CTNNA2: variants seen among roughly 807,000 people sequenced by gnomAD.
CTNNA2 encodes the protein catenin alpha 2, also known as catenin alpha-2.
In CTNNA2, 42 loss-of-function variants were observed where a neutral mutation model predicts 101.0. The ratio of observed to expected loss-of-function variants is 0.42; its 90% CI spans 0.32 to 0.54. The LOEUF (loss-of-function observed/expected upper bound fraction) is 0.54, where lower values mean the gene tolerates loss of function less well. Among genes scored for constraint, CTNNA2 ranks in the 20% least tolerant of loss-of-function variants. CTNNA2 has a pLI of 0.14. For missense variants in CTNNA2, 871 were observed against 1,223.1 expected (o/e 0.71, Z 4.29); for synonymous variants, 450 against 456.4 (o/e 0.99, Z 0.18).
intron 7 of CTNNA2, among the ~76,000 whole-genome samples, chr2:80,224,781 C>T (rs769344403): frequency 2.7e-4 from 41 of 152,120 alleles, no homozygotes; most frequent in Non-Finnish European, 5.9e-4. Context: ...AGACCTACCT[C>T]TAGTTGCTAA....
intron 7 of CTNNA2, among the ~76,000 whole-genome samples, chr2:80,038,313 TAAAG>T (rs1408241288): frequency 6.6e-6 from 1 of 151,242 alleles, no homozygotes; most frequent in Non-Finnish European, 1.5e-5. Context: ...TTTTTATAAT[TAAAG>T]AAAAAAAAAC....
intron 1 of CTNNA2, among the ~76,000 whole-genome samples, chr2:79,582,782 A>G (rs1676227630): frequency 2.0e-5 from 3 of 152,098 alleles, no homozygotes; most frequent in South Asian, 4.1e-4. Flanking sequence ...AGTAAAATGT[A>G]TTTCTTCTAG....
At chr2:80,565,817 A>C (rs72622686) in intron 12 of CTNNA2, among the ~76,000 whole-genome samples, 4,289 of 152,276 alleles carry the variant, frequency 0.028, 152 homozygotes, top group East Asian at 0.11. Flanking sequence ...TGCATATAAA[A>C]TTTAGTAATA....
intron 3 of CTNNA2, among the ~76,000 whole-genome samples, chr2:79,358,323 C>T (rs1048641716): frequency 2.0e-5 from 3 of 152,084 alleles, no homozygotes; most frequent in African/African-American, 7.2e-5. Flanking sequence ...CCTCAGCCTC[C>T]CAAGTAGCTG....
intron 7 of CTNNA2, among the ~76,000 whole-genome samples, chr2:80,096,588 C>G (rs1700167983): frequency 1.3e-5 from 2 of 152,068 alleles, no homozygotes; most frequent in South Asian, 4.2e-4. Context: ...GTTGATCTGT[C>G]TAATGTTGAC....
In CTNNA2 at chr2:80,303,664, G is replaced by A. The variant is rs761264307; in HGVS notation, c.1057-89547G>A. 1 of 1,611,760 alleles carries A rather than the reference G, an allele frequency of 6.2e-7. No individual in the cohort carries two copies. The highest frequency in any genetic ancestry group is 2.2e-5 in the East Asian group (1 of 44,796). ...GCGCCTCGGTGAGGTTGAGCGCCTC[G>A]CAGTACAGCAGCCGCCCCTCGCACC... On this transcript the variant is annotated intron_variant, in intron 7 of 18. Coordinates refer to ENST00000402739, the MANE Select transcript of CTNNA2 (RefSeq NM_001282597.3). This position sits in a 1 kb window ranked among gnomAD's most constrained non-coding sequence, Gnocchi z 7.7.
chr2:80,388,903 C>A (rs1266540574), intron 7 of CTNNA2, among the ~76,000 whole-genome samples: 1 of 152,170 alleles, frequency 6.6e-6, no homozygotes, highest in African/African-American at 2.4e-5. Context: ...AGTTACTAGA[C>A]AAAATATGTC....
intron 3 of CTNNA2, among the ~76,000 whole-genome samples, chr2:79,841,917 T>C (rs918931083): frequency 6.6e-6 from 1 of 152,222 alleles, no homozygotes; most frequent in Admixed American, 6.5e-5. Context: ...ATATCATTAG[T>C]TGAACATTTA....
intron 9 of CTNNA2, among the ~76,000 whole-genome samples, chr2:80,437,240 C>A (rs1377513637): frequency 6.6e-6 from 1 of 152,154 alleles, no homozygotes; most frequent in Non-Finnish European, 1.5e-5. Flanking sequence ...GCTGCCTGAA[C>A]ACACTAAGAC....
chr2:80,609,641 C>A (rs1015507567), intron 17 of CTNNA2, among the ~76,000 whole-genome samples: 6 of 151,772 alleles, frequency 4.0e-5, no homozygotes, highest in Non-Finnish European at 8.8e-5. Context: ...TTATCTTCAG[C>A]CTTGATGGTA....
chr2:79,697,542 A>C (rs2104736502), intron 2 of CTNNA2, among the ~76,000 whole-genome samples: 1 of 152,178 alleles, frequency 6.6e-6, no homozygotes, highest in East Asian at 1.9e-4. Context: ...TTTGTGATTT[A>C]AGTGTTTGAT....
At chr2:79,451,019 C>T (rs1368622176) in intron 4 of CTNNA2, among the ~76,000 whole-genome samples, 1 of 152,016 alleles carries the variant, frequency 6.6e-6, no homozygotes, top group Non-Finnish European at 1.5e-5. Context: ...AGCCAATTCA[C>T]CTAATGTGTA....
intron 13 of CTNNA2, among the ~76,000 whole-genome samples, chr2:80,578,434 C>A (rs183143144): frequency 1.1e-3 from 170 of 152,220 alleles, no homozygotes; most frequent in African/African-American, 3.7e-3. Context: ...TTTGCAGACC[C>A]TCTGTAATTT....
chr2:79,196,703 C>G (rs1673966137), intron 1 of CTNNA2, among the ~76,000 whole-genome samples: 1 of 152,194 alleles, frequency 6.6e-6, no homozygotes, highest in Non-Finnish European at 1.5e-5. Flanking sequence ...TCAAAATGTT[C>G]TGCTTTATAC....
Position 79,282,911 on chromosome 2 carries a change from C to T in CTNNA2, c.-405-29798C>T, listed in dbSNP as rs1454525323. ...TGTTCCTATTTCTCCACATCCTCTC[C>T]AGCACCTGTTGTTTCCTGACTTTTT... On this transcript the variant is annotated intron_variant, in intron 2 of 21. Coordinates refer to the CTNNA2 transcript ENST00000466387. Among the ~76,000 whole-genome samples the T allele has an allele frequency of 1.7e-4, 16 of 94,968 alleles. 4 individuals carry two copies. The highest frequency in any genetic ancestry group is 4.0e-4 in the Non-Finnish European group (16 of 40,230). 62.3% of individuals were successfully genotyped at this position (94,968 alleles called of 152,430 possible). A position where few individuals can be genotyped will look rare whatever the true frequency, so the allele number is the denominator to read the frequency against.
intron 7 of CTNNA2, among the ~76,000 whole-genome samples, chr2:79,987,460 G>A (rs534276580): frequency 9.3e-4 from 142 of 152,268 alleles, no homozygotes; most frequent in Non-Finnish European, 1.6e-3. Flanking sequence ...GTTAATCTTC[G>A]AGAGTCTCAG....
At chr2:80,629,479 C>T (rs756365393) in intron 18 of CTNNA2, among the ~76,000 whole-genome samples, 2 of 152,086 alleles carry the variant, frequency 1.3e-5, no homozygotes, top group Admixed American at 6.5e-5. Flanking sequence ...CAGGAATCTG[C>T]ATTTTATTCC....
chr2:79,829,360 T>TACAC (rs55934940), intron 3 of CTNNA2, among the ~76,000 whole-genome samples: 5,695 of 113,092 alleles, frequency 0.05, 196 homozygotes, highest in South Asian at 0.082. Context: ...CAACTAAAAC[T>TACAC]ACACACACAC....
chr2:80,355,213 T>C (rs949590065), intron 7 of CTNNA2, among the ~76,000 whole-genome samples: 4 of 152,162 alleles, frequency 2.6e-5, no homozygotes, highest in African/African-American at 7.2e-5. Context: ...CCTGGCAATA[T>C]TCTCAGCTAA....
Sources: allele counts gnomAD v4.1 joint callset (sites outside exome capture counted in the v4.1 genomes callset), GRCh38; gene constraint gnomAD v4.1.1; non-coding constraint Gnocchi (gnomAD v3.1); transcripts MANE v1.5; gene names NCBI Gene and HGNC (gene_info 2026-07-23, HGNC 2026-07-21).